The following SGPL1 variants were observed in gnomAD, a reference collection of about 807,000 sequenced individuals.
SGPL1 encodes the protein SP-lyase 1.
SGPL1 carries 37 observed loss-of-function variants against 68.9 expected under a neutral mutation model. The observed-to-expected ratio is 0.54, with a 90% CI of 0.41 to 0.71. The LOEUF (loss-of-function observed/expected upper bound fraction) is 0.71. SGPL1 is among the 30% of genes least tolerant of loss of function. SGPL1 has a pLI of 0.00. For synonymous variants in SGPL1, 236 were observed against 248.5 expected (o/e 0.95, Z 0.47); for missense variants, 551 against 704.6 (o/e 0.78, Z 2.47).
chr10:70,870,371 G>C (rs1356974912), intron 9 of SGPL1, among the ~76,000 whole-genome samples: 1 of 152,038 alleles, frequency 6.6e-6, no homozygotes, highest in African/African-American at 2.4e-5. Context: ...GCTGGACATG[G>C]TGGCATGCAC....
chr10:70,850,544 G>A (rs1447068349), intron 3 of SGPL1, among the ~76,000 whole-genome samples: 1 of 152,144 alleles, frequency 6.6e-6, no homozygotes, highest in Non-Finnish European at 1.5e-5. Context: ...TATCCTGTAG[G>A]TGTACTTGTA....
chr10:70,840,148 AT>A (rs1345124364), intron 2 of SGPL1, among the ~76,000 whole-genome samples: 1 of 152,064 alleles, frequency 6.6e-6, no homozygotes, highest in Non-Finnish European at 1.5e-5. Flanking sequence ...CTGGATTGTA[AT>A]GTGTTACTCC....
intron 6 of SGPL1, 31 bp from the exon 7 acceptor site, chr10:70,859,340 T>A: frequency 7.2e-7 from 1 of 1,381,226 alleles, no homozygotes; most frequent in Non-Finnish European, 9.5e-7. Flanking sequence ...GTAATAGTTT[T>A]GATTTCACAT....
rs145590248 is a variant in SGPL1 at position 70,817,401 on chromosome 10, A to G, written c.27+521A>G. On this transcript the variant is annotated intron_variant, in intron 2 of 14. Coordinates refer to ENST00000373202, the MANE Select transcript of SGPL1 (RefSeq NM_003901.4). ...TCAATACAGTATATGTAGAACTTAA[A>G]TTATTGAAGAATCTTTTTCAAAATT... is the stretch of plus-strand genomic sequence containing the variant. Among the ~76,000 whole-genome samples, 30 of 152,334 alleles carry G rather than the reference A, an allele frequency of 2.0e-4. No individual in the cohort carries two copies. The East Asian group carries it at 5.6e-3, about 28-fold the overall frequency.
At chr10:70,834,384 G>C (rs944455500) in intron 2 of SGPL1, among the ~76,000 whole-genome samples, 1 of 152,162 alleles carries the variant, frequency 6.6e-6, no homozygotes, top group South Asian at 2.1e-4. Flanking sequence ...TTTGAAACCA[G>C]GGAAGGCACA....
chr10:70,875,628 A>T, intron 13 of SGPL1, 80 bp downstream of exon 13: 1 of 1,131,404 alleles, frequency 8.8e-7, no homozygotes, highest in East Asian at 2.4e-5. Context: ...CCTGAAGTAT[A>T]GAGTTTGACT....
intron 14 of SGPL1, among the ~76,000 whole-genome samples, chr10:70,876,950 C>T (rs191258660): frequency 3.0e-4 from 46 of 152,288 alleles, no homozygotes; most frequent in Admixed American, 1.8e-3. Context: ...AGATAGTAAA[C>T]ATGTTTTTTC....
chr10:70,848,988 C>T (rs1709086377), intron 3 of SGPL1, among the ~76,000 whole-genome samples: 1 of 152,114 alleles, frequency 6.6e-6, no homozygotes, highest in Non-Finnish European at 1.5e-5. Context: ...CTTCTGGGGA[C>T]TTTTGAGATA....
intron 7 of SGPL1, among the ~76,000 whole-genome samples, chr10:70,864,712 AGTTT>A (rs1337639849): frequency 5.9e-5 from 9 of 151,294 alleles, no homozygotes; most frequent in Admixed American, 5.9e-4. Context: ...CCTGCCTTTT[AGTTT>A]GTTTGCATAG....
At chr10:70,837,410 A>G (rs1845643113) in intron 2 of SGPL1, among the ~76,000 whole-genome samples, 1 of 151,994 alleles carries the variant, frequency 6.6e-6, no homozygotes, top group South Asian at 2.1e-4. Context: ...TAAGTGCTTC[A>G]CTCTTTCCTG....
At chr10:70,829,972 T>A (rs1033671296) in intron 2 of SGPL1, among the ~76,000 whole-genome samples, 1 of 152,228 alleles carries the variant, frequency 6.6e-6, no homozygotes, top group African/African-American at 2.4e-5. Context: ...AAAATATACC[T>A]TTAGGCAAGT....
Position 70,871,042 on chromosome 10 carries a change from C to T in SGPL1, c.811-6C>T. ...TCTCATTTTCCTTTAAACTTTAAAT[C>T]CCTAGGCAATGAGAAGAGCTATCTC... On this transcript the variant is annotated splice_region_variant and splice_polypyrimidine_tract_variant and intron_variant, in intron 9 of 14. Transcript: ENST00000373202. 1 of 1,607,738 alleles carries T rather than the reference C, an allele frequency of 6.2e-7. No homozygotes were observed. The highest frequency in any genetic ancestry group is 8.5e-7 in the Non-Finnish European group (1 of 1,174,218).
chr10:70,860,279 G>A (rs564894416), intron 7 of SGPL1: 32 of 430,902 alleles, frequency 7.4e-5, no homozygotes, highest in African/African-American at 6.3e-4. Flanking sequence ...TGTCCTAGAG[G>A]TGCTAATCCT....
intron 6 of SGPL1, 128 bp downstream of exon 6, chr10:70,857,818 A>G (rs113679695): frequency 1.5e-5 from 8 of 541,406 alleles, no homozygotes; most frequent in African/African-American, 3.9e-5. Context: ...AAAACCATAA[A>G]AGTTTCTCTT....
intron 2 of SGPL1, among the ~76,000 whole-genome samples, chr10:70,835,676 C>CA (rs1392150081): frequency 3.5e-5 from 5 of 143,986 alleles, no homozygotes; most frequent in Non-Finnish European, 6.0e-5. Context: ...GTGGAGTTTG[C>CA]AGTGAACCAA....
chr10:70,871,684 T>C (rs979209751), intron 10 of SGPL1, among the ~76,000 whole-genome samples, 153 bp from the exon 11 acceptor site: 10 of 152,236 alleles, frequency 6.6e-5, no homozygotes, highest in African/African-American at 2.4e-4. Flanking sequence ...TAAATTTTGT[T>C]GGGAATGTTA....
intron 2 of SGPL1, among the ~76,000 whole-genome samples, chr10:70,835,965 G>T (rs1025464584): frequency 4.6e-5 from 7 of 152,116 alleles, no homozygotes; most frequent in African/African-American, 1.4e-4. Flanking sequence ...CAGACAAGGA[G>T]GCAGTTTGAG....
At chr10:70,871,180 A>G (rs1846289390) in intron 10 of SGPL1, 34 bp downstream of exon 10, 2 of 1,415,114 alleles carry the variant, frequency 1.4e-6, no homozygotes, top group African/African-American at 2.9e-5. Flanking sequence ...AAGGCAGGCA[A>G]ATGGATATTT....
intron 2 of SGPL1, among the ~76,000 whole-genome samples, chr10:70,839,651 A>G (rs894891513): frequency 3.3e-5 from 5 of 152,164 alleles, no homozygotes; most frequent in African/African-American, 4.8e-5. Flanking sequence ...CAGAGACACA[A>G]TACATTGATA....
Sources: allele counts gnomAD v4.1 joint callset (sites outside exome capture counted in the v4.1 genomes callset), GRCh38; gene constraint gnomAD v4.1.1; transcripts MANE v1.5; gene names NCBI Gene and HGNC (gene_info 2026-07-23, HGNC 2026-07-21).